The following CEP135 variants were observed in gnomAD, a reference collection of about 807,000 sequenced individuals.
CEP135 encodes the protein centrosomal protein of 135 kDa.
A neutral mutation model predicts 157.3 loss-of-function variants in CEP135; 142 were observed. The observed-to-expected ratio is 0.90, with a 90% CI of 0.79 to 1.04. The LOEUF (loss-of-function observed/expected upper bound fraction) is 1.04. Ranked by LOEUF, CEP135 falls within the 50% of genes least tolerant of loss-of-function variation. CEP135 has a pLI of 0.00. For missense variants in CEP135, 1,317 were observed against 1,309.2 expected, an observed-to-expected ratio of 1.01 and a Z score of -0.09; for synonymous variants, 396 against 439.8, an observed-to-expected ratio of 0.90 and a Z score of 1.25.
intron 25 of CEP135, among the ~76,000 whole-genome samples, chr4:56,025,916 A>G (rs924500721): frequency 1.3e-5 from 2 of 151,984 alleles, no homozygotes; most frequent in Non-Finnish European, 2.9e-5. Flanking sequence ...TCAAAAAAAA[A>G]AAAAAATAGG....
rs2109730736 is a variant in CEP135 at position 56,009,809 on chromosome 4, A to G, written c.2411A>G (p.Lys804Arg). Residue 804 changes from lysine to arginine, a missense_variant, in exon 19 of 26, where the codon AAA becomes AGA. Coordinates refer to ENST00000257287, the MANE Select transcript of CEP135 (RefSeq NM_025009.5). Reference sequence around the variant, plus strand: ...CGGCGCCAGCTTGATGCAGCTCACAAAGAACTCGATGAAGTAGGAAGATCT... The same window carrying G: ...CGGCGCCAGCTTGATGCAGCTCACAGAGAACTCGATGAAGTAGGAAGATCT... ...SLRRQLDAAH[K>R]ELDEVGRSRE... 6.2e-7 allele frequency: 1 copy of G among 1,614,158 alleles called. No homozygotes were observed. The highest frequency in any genetic ancestry group is 1.1e-5 in the South Asian group (1 of 91,044).
chr4:56,025,577 A>G (rs1022615165), intron 25 of CEP135, among the ~76,000 whole-genome samples: 1 of 152,130 alleles, frequency 6.6e-6, no homozygotes, highest in Non-Finnish European at 1.5e-5. Flanking sequence ...TTATTCTGTA[A>G]GTCAAAAGGA....
chr4:55,965,869 G>A lies in CEP135; in HGVS notation c.1044+10G>A, dbSNP rs942998941. Reference sequence around the variant, plus strand: ...GCTTGGGGAAGCAAAGGTAATGAATGATATGTGTAGATTGTGAGAGTGTTC... The same window carrying A: ...GCTTGGGGAAGCAAAGGTAATGAATAATATGTGTAGATTGTGAGAGTGTTC... On this transcript the variant is annotated intron_variant, in intron 8 of 25. Transcript: ENST00000257287. 6.3e-6 allele frequency: 10 copies of A among 1,592,516 alleles called. No individual in the cohort carries two copies. Among genetic ancestry groups the A allele is most frequent in the Non-Finnish European group, 8.6e-6 (10 of 1,162,186 alleles).
intron 19 of CEP135, among the ~76,000 whole-genome samples, chr4:56,010,255 C>T (rs556377216): frequency 9.7e-4 from 141 of 145,634 alleles, no homozygotes; most frequent in Admixed American, 1.5e-3. Flanking sequence ...CCCAGCTGCT[C>T]GGAAGGCTGA....
intron 22 of CEP135, among the ~76,000 whole-genome samples, chr4:56,018,534 G>A (rs543741527): frequency 2.0e-5 from 3 of 152,264 alleles, no homozygotes; most frequent in African/African-American, 7.2e-5. Context: ...GAGTCAGGCA[G>A]ATTGCTTGAG....
At chr4:56,000,056 T>C (rs1382892262) in intron 17 of CEP135, among the ~76,000 whole-genome samples, 1 of 151,972 alleles carries the variant, frequency 6.6e-6, no homozygotes, top group Non-Finnish European at 1.5e-5. Context: ...CTAGGTGTGG[T>C]GGTGTGCACC....
chr4:55,951,906 A>G (rs1247362435), intron 1 of CEP135, among the ~76,000 whole-genome samples, 180 bp from the exon 2 acceptor site: 2 of 152,212 alleles, frequency 1.3e-5, no homozygotes, highest in East Asian at 1.9e-4. Flanking sequence ...GGAAGTATTT[A>G]TTTTAATGCA....
chr4:55,950,759 CTTT>C (rs148350973), intron 1 of CEP135, among the ~76,000 whole-genome samples: 3 of 150,424 alleles, frequency 2.0e-5, no homozygotes, highest in Non-Finnish European at 4.4e-5. Context: ...TTATGTGTGT[CTTT>C]TTTTTTAATT....
At chr4:55,976,159 CA>C (rs1221041379) in intron 11 of CEP135, among the ~76,000 whole-genome samples, 1 of 150,262 alleles carries the variant, frequency 6.7e-6, no homozygotes, top group Admixed American at 6.7e-5. Context: ...AAGGCTGAGG[CA>C]AGGGGATTGC....
rs147927911 is a variant in CEP135 at position 56,008,342 on chromosome 4, C to T, written c.2296C>T (p.Gln766Ter). The T allele has an allele frequency of 3.1e-6, 5 of 1,609,138 alleles. No individual in the cohort carries two copies. In the African/African-American group the frequency reaches 5.3e-5, roughly 17 times the overall value. The stretch of plus-strand genomic sequence containing the variant: ...ATTTCTATAGGAAAAAGCTGTTGCT[C>T]AAATGAAGATAATGATCTCAGAGTG... Reference protein sequence around the residue: ...NLANKEKAVAQMKIMISECES... With the variant: ...NLANKEKAVA Residue 766 changes from glutamine (Q) to a stop codon, truncating the protein, a stop_gained, in exon 18 of 26, where the codon CAA becomes TAA. Transcript: ENST00000257287. LOFTEE classifies it high-confidence loss of function.
chr4:55,957,038 T>C (rs1049151989), intron 4 of CEP135, among the ~76,000 whole-genome samples, 185 bp from the exon 5 acceptor site: 1 of 152,176 alleles, frequency 6.6e-6, no homozygotes, highest in African/African-American at 2.4e-5. Context: ...TTGTTGAGGT[T>C]TTTAGGAATG....
rs1048552678 is a variant in CEP135 at position 55,957,288 on chromosome 4, T to G, written c.538T>G (p.Ser180Ala). The G allele has an allele frequency of 5.0e-6, 8 of 1,614,074 alleles. No homozygotes were observed. The highest frequency in any genetic ancestry group is 6.8e-6 in the Non-Finnish European group (8 of 1,180,010). Residue 180 changes from serine to alanine, a missense_variant, in exon 5 of 26, where the codon TCT (serine) becomes GCT (alanine). Physicochemically the swap from Ser to Ala is moderately conservative, Grantham distance 99. Coordinates refer to ENST00000257287, the MANE Select transcript of CEP135 (RefSeq NM_025009.5). ...GCAAATTGATGAACCGGTTCCTCCCTCTGAAGTCAGTTCATATCCAGTTCC... is the reference window on the plus strand; with the variant it reads ...GCAAATTGATGAACCGGTTCCTCCCGCTGAAGTCAGTTCATATCCAGTTCC... ...RMQIDEPVPP[S>A]EVSSYPVPQP...
intron 24 of CEP135, among the ~76,000 whole-genome samples, chr4:56,024,035 A>G (rs1430512495): frequency 1.4e-5 from 2 of 142,784 alleles, no homozygotes; most frequent in Non-Finnish European, 3.0e-5. Context: ...TATGTTATAT[A>G]TTGTATATTT....
At position 55,999,625 on chromosome 4, in the gene CEP135, C is replaced by G; in HGVS notation, c.2260C>G (p.Gln754Glu). The G allele has an allele frequency of 6.3e-7, 1 of 1,592,290 alleles. No individual in the cohort carries two copies. Among genetic ancestry groups the G allele is most frequent in the African/African-American group, 1.4e-5 (1 of 73,272 alleles). The change falls in exon 17 of 26, where the codon CAA becomes GAA. Residue 754 changes from glutamine (Q) to glutamate (E), a missense_variant. Gln to Glu is a conservative substitution (Grantham distance 29). Coordinates refer to ENST00000257287, the MANE Select transcript of CEP135 (RefSeq NM_025009.5). Reference sequence around the variant, plus strand: ...GAAGACAGAAAAGATTGCAAATTTGCAAGAAAACCTAGCTAATAAAGTATG... The same window carrying G: ...GAAGACAGAAAAGATTGCAAATTTGGAAGAAAACCTAGCTAATAAAGTATG... ...DEKTEKIANL[Q>E]ENLANKEKAV...
chr4:55,956,887 T>G (rs1370569190), intron 4 of CEP135, among the ~76,000 whole-genome samples: 1 of 152,116 alleles, frequency 6.6e-6, no homozygotes, highest in African/African-American at 2.4e-5. Context: ...GTGCTGGGAT[T>G]ATAGGTGTGA....
At chr4:56,030,125 C>T (rs1731292394) in intron 25 of CEP135, among the ~76,000 whole-genome samples, 1 of 152,176 alleles carries the variant, frequency 6.6e-6, no homozygotes, top group South Asian at 2.1e-4. Flanking sequence ...ATATCACTGT[C>T]TCCTGCCTCT....
intron 9 of CEP135, 75 bp downstream of exon 9, chr4:55,969,203 A>C (rs1577873859): frequency 8.3e-7 from 1 of 1,197,648 alleles, no homozygotes; most frequent in East Asian, 2.4e-5. Flanking sequence ...TGGGTTTATC[A>C]CCTGAGGTCA....
intron 21 of CEP135, among the ~76,000 whole-genome samples, chr4:56,014,927 G>T (rs143513143): frequency 1.3e-3 from 193 of 152,210 alleles, no homozygotes; most frequent in Non-Finnish European, 2.2e-3. Flanking sequence ...AAACATGGTG[G>T]CACGTGGCTG....
intron 4 of CEP135, among the ~76,000 whole-genome samples, chr4:55,956,860 C>T (rs867914745): frequency 6.6e-5 from 10 of 152,092 alleles, no homozygotes; most frequent in African/African-American, 7.2e-5. Context: ...GTGATCCACC[C>T]GCCTCGGCCT....
Sources: allele counts gnomAD v4.1 joint callset (sites outside exome capture counted in the v4.1 genomes callset), GRCh38; gene constraint gnomAD v4.1.1; transcripts MANE v1.5; gene names NCBI Gene and HGNC (gene_info 2026-07-23, HGNC 2026-07-21).